The following METTL8 variants were observed in gnomAD, a reference collection of about 807,000 sequenced individuals.
METTL8 encodes the protein tRNA N(3)-cytidine methyltransferase METTL8, mitochondrial.
A neutral mutation model predicts 48.7 loss-of-function variants in METTL8; 32 were observed. That is an observed-to-expected ratio of 0.66 (90% CI 0.50 to 0.88). The LOEUF is 0.88. Among genes scored for constraint, METTL8 ranks in the 40% least tolerant of loss-of-function variants. The pLI, the probability that METTL8 is intolerant of heterozygous loss-of-function variation, is 0.00. For synonymous variants in METTL8, 136 were observed against 157.1 expected, an observed-to-expected ratio of 0.87 and a Z score of 1.01; for missense variants, 464 against 474.4, an observed-to-expected ratio of 0.98 and a Z score of 0.20.
At chr2:171,425,640 A>T (rs996492462) in intron 1 of METTL8, among the ~76,000 whole-genome samples, 1 of 152,224 alleles carries the variant, frequency 6.6e-6, no homozygotes, top group African/African-American at 2.4e-5. Flanking sequence ...ATGAGACCAC[A>T]GCCCAGGCTG....
chr2:171,337,611 G>A, intron 4 of METTL8, 109 bp from the exon 5 acceptor site: 1 of 702,924 alleles, frequency 1.4e-6, no homozygotes, highest in Non-Finnish European at 2.4e-6. Context: ...TGGATCTCTG[G>A]GCACAGGATA....
chr2:171,358,401 C>T (rs1684814634), intron 3 of METTL8, among the ~76,000 whole-genome samples: 1 of 150,560 alleles, frequency 6.6e-6, no homozygotes, highest in African/African-American at 2.4e-5. Flanking sequence ...TACTACCTGA[C>T]TTCAAAACAT....
chr2:171,368,975 A>C (rs1686010464), intron 2 of METTL8, among the ~76,000 whole-genome samples: 1 of 151,882 alleles, frequency 6.6e-6, no homozygotes, highest in South Asian at 2.1e-4. Flanking sequence ...GTGTAATATC[A>C]AAAAAAACCC....
Position 171,320,541 on chromosome 2 carries a change from T to G in METTL8, c.*3631A>C, listed in dbSNP as rs1375426188. ...TTGTTTTTGAAACCACCTTGGGCCATGATTTTTAAACGGAGACACAAGGAG... is the reference window on the plus strand; with the variant it reads ...TTGTTTTTGAAACCACCTTGGGCCAGGATTTTTAAACGGAGACACAAGGAG... On this transcript the variant is annotated 3_prime_UTR_variant, in exon 10 of 10. Coordinates refer to ENST00000375258, the MANE Select transcript of METTL8 (RefSeq NM_001321154.2). 1.3e-5 allele frequency: 2 copies of G among 152,220 alleles called. No homozygotes were observed. Among genetic ancestry groups the G allele is most frequent in the Non-Finnish European group, 2.9e-5 (2 of 68,038 alleles). 9.4% of individuals were successfully genotyped at this position (152,220 alleles called of 1,614,324 possible).
At chr2:171,363,816 CT>C (rs1273986340) in intron 2 of METTL8, among the ~76,000 whole-genome samples, 150 of 44,616 alleles carry the variant, frequency 3.4e-3, no homozygotes, top group Non-Finnish European at 5.4e-3. Context: ...ATATATATAT[CT>C]TTTTTTTTTT....
intron 2 of METTL8, among the ~76,000 whole-genome samples, chr2:171,390,445 A>G (rs894644872): frequency 2.0e-5 from 3 of 152,228 alleles, no homozygotes; most frequent in African/African-American, 7.2e-5. Context: ...CCTCTAGTGG[A>G]TCTGGGCAAA....
At chr2:171,400,971 T>C (rs549239803) in intron 1 of METTL8, among the ~76,000 whole-genome samples, 2 of 152,258 alleles carry the variant, frequency 1.3e-5, no homozygotes, top group South Asian at 4.1e-4. Context: ...GAATTGCTAT[T>C]AACCATACAC....
At chr2:171,345,191 T>TA (rs1687149322) in intron 3 of METTL8, among the ~76,000 whole-genome samples, 1 of 152,208 alleles carries the variant, frequency 6.6e-6, no homozygotes, top group South Asian at 2.1e-4. Context: ...ATTATTCACT[T>TA]ATTAAATTCA....
At chr2:171,365,723 A>G (rs1685648195) in intron 2 of METTL8, among the ~76,000 whole-genome samples, 1 of 152,208 alleles carries the variant, frequency 6.6e-6, no homozygotes, top group South Asian at 2.1e-4. Context: ...AGGACTTATG[A>G]TTTTGGCCAT....
Position 171,324,260 on chromosome 2 carries a change from C to T in METTL8, c.1136G>A (p.Arg379Gln), listed in dbSNP as rs372978109. 4.3e-5 allele frequency: 67 copies of T among 1,551,368 alleles called. No individual in the cohort carries two copies. In the East Asian group the frequency reaches 7.1e-4, roughly 16 times the overall value. Residue 379 changes from arginine to glutamine, a missense_variant, in exon 10 of 10, where the codon CGA becomes CAA. Arg to Gln is a conservative substitution (Grantham distance 43, BLOSUM62 1). Transcript: ENST00000375258. ...VNRKKQVKMH[R>Q]VWIQGKFQKP... ...CTGGAATTTGCCTTGAATCCACACT[C>T]GGTGCATTTTCACTTGTTTTTTCCT... is the stretch of plus-strand genomic sequence containing the variant.
intron 3 of METTL8, among the ~76,000 whole-genome samples, chr2:171,347,061 A>G (rs112276764): frequency 1.2e-4 from 19 of 152,328 alleles, no homozygotes; most frequent in African/African-American, 4.1e-4. Context: ...TTCTCCCTGC[A>G]GTGGTCCCCT....
intron 1 of METTL8, among the ~76,000 whole-genome samples, chr2:171,410,803 T>C (rs1690672715): frequency 6.6e-6 from 1 of 152,228 alleles, no homozygotes; most frequent in Non-Finnish European, 1.5e-5. Context: ...CTCATTAAGA[T>C]ACAGCTTCTG....
chr2:171,364,202 T>C (rs957254272), intron 2 of METTL8, among the ~76,000 whole-genome samples: 23 of 152,148 alleles, frequency 1.5e-4, no homozygotes, highest in African/African-American at 5.3e-4. Context: ...ACCAATTATG[T>C]TTGAATAGGA....
upstream of METTL8, chr2:171,434,754 C>T: frequency 3.6e-6 from 5 of 1,389,738 alleles, no homozygotes; most frequent in Non-Finnish European, 2.8e-6. Flanking sequence ...CGCGCGGCGG[C>T]CGAGCCTCCT....
At chr2:171,347,256 G>A (rs1211172032) in intron 3 of METTL8, among the ~76,000 whole-genome samples, 1 of 152,160 alleles carries the variant, frequency 6.6e-6, no homozygotes, top group Non-Finnish European at 1.5e-5. Context: ...CTTCAAAGTG[G>A]TATCATCAAC....
chr2:171,331,290 T>C (rs1685501126), intron 6 of METTL8, among the ~76,000 whole-genome samples: 1 of 152,068 alleles, frequency 6.6e-6, no homozygotes, highest in Admixed American at 6.6e-5. Flanking sequence ...TTTGTATTTT[T>C]AGTAGAGACG....
chr2:171,406,558 TCTC>T (rs1189399570), intron 1 of METTL8, among the ~76,000 whole-genome samples: 2 of 152,166 alleles, frequency 1.3e-5, no homozygotes, highest in Non-Finnish European at 2.9e-5. Context: ...AGAGATATCT[TCTC>T]CTCTTTTTAT....
intron 2 of METTL8, among the ~76,000 whole-genome samples, chr2:171,387,543 TA>T (rs869031018): frequency 4.8e-5 from 7 of 144,708 alleles, no homozygotes; most frequent in East Asian, 2.1e-4. Context: ...TAAAAAAAAT[TA>T]AAAAAAAAAT....
chr2:171,334,862 C>G (rs1370480471), intron 5 of METTL8, among the ~76,000 whole-genome samples: 1 of 152,134 alleles, frequency 6.6e-6, no homozygotes, highest in African/African-American at 2.4e-5. Context: ...TATTGAGCTC[C>G]AACTAAGCTG....
Sources: gnomAD v4.1 joint callset for allele counts (sites outside exome capture counted in the v4.1 genomes callset) on GRCh38, gnomAD v4.1.1 for gene constraint, MANE v1.5 for transcripts, NCBI Gene and HGNC (gene_info 2026-07-23, HGNC 2026-07-21) for gene names.